Variants in BTBD9 observed in about 807,000 individuals in gnomAD.
BTBD9 encodes the protein BTB/POZ domain-containing protein 9.
Under a neutral mutation model 64.3 loss-of-function variants are expected in BTBD9, and 49 were observed. The observed-to-expected ratio is 0.76, with a 90% confidence interval of 0.61 to 0.97. The LOEUF (loss-of-function observed/expected upper bound fraction) is 0.97, where lower values mean the gene tolerates loss of function less well. BTBD9 is among the 50% of genes least tolerant of loss of function. The probability of loss-of-function intolerance (pLI) is 0.00; values close to 1 mark genes in which losing one functional copy is unlikely to be tolerated. For synonymous variants in BTBD9, 260 were observed against 274.7 expected, an observed-to-expected ratio of 0.95 and a Z score of 0.53; for missense variants, 598 against 762.1, an observed-to-expected ratio of 0.78 and a Z score of 2.53.
chr6:38,380,538 G>A (rs555080136), intron 6 of BTBD9, among the ~76,000 whole-genome samples: 25 of 152,314 alleles, frequency 1.6e-4, no homozygotes, highest in African/African-American at 5.3e-4. Context: ...ATTGAGTCTA[G>A]AAGAGGGTAG....
At chr6:38,219,345 T>A (rs1472086652) in intron 9 of BTBD9, among the ~76,000 whole-genome samples, 2 of 150,356 alleles carry the variant, frequency 1.3e-5, no homozygotes, top group East Asian at 3.9e-4. Flanking sequence ...GGTTTCAGCA[T>A]GTTGGCCAGG....
intron 1 of BTBD9, chr6:38,613,033 G>C (rs1664393223): frequency 6.6e-6 from 1 of 152,160 alleles, no homozygotes; most frequent in Non-Finnish European, 1.5e-5. Context: ...ATTGAGACGA[G>C]CTGTAAGTGT....
At chr6:38,296,314 T>C (rs910849152) in intron 7 of BTBD9, among the ~76,000 whole-genome samples, 3 of 152,220 alleles carry the variant, frequency 2.0e-5, no homozygotes, top group African/African-American at 7.2e-5. Flanking sequence ...CTCTTTTTCA[T>C]TCAAAGTATT....
chr6:38,349,077 T>C (rs1696821565), intron 6 of BTBD9, among the ~76,000 whole-genome samples: 1 of 152,040 alleles, frequency 6.6e-6, no homozygotes, highest in Non-Finnish European at 1.5e-5. Flanking sequence ...CTAGCAAATT[T>C]TTTTGTAGAG....
intron 6 of BTBD9, among the ~76,000 whole-genome samples, chr6:38,546,223 A>G (rs566701679): frequency 3.3e-5 from 5 of 152,302 alleles, no homozygotes; most frequent in Admixed American, 2.6e-4. Context: ...GAATATTGAC[A>G]AAGGGCTGGA....
chr6:38,209,645 T>A (rs72849813), intron 9 of BTBD9, among the ~76,000 whole-genome samples: 3,266 of 152,204 alleles, frequency 0.021, 37 homozygotes, highest in Middle Eastern at 0.071. Flanking sequence ...CTTTTTAAAT[T>A]CCTCAGGTGA....
intron 6 of BTBD9, among the ~76,000 whole-genome samples, chr6:38,425,751 C>T (rs887842696): frequency 2.7e-5 from 4 of 145,904 alleles, no homozygotes; most frequent in Non-Finnish European, 4.5e-5. Context: ...CTACCAATAA[C>T]TAAAAAAAAA....
intron 7 of BTBD9, among the ~76,000 whole-genome samples, chr6:38,308,201 T>C (rs1762696495): frequency 6.6e-6 from 1 of 152,230 alleles, no homozygotes; most frequent in African/African-American, 2.4e-5. Flanking sequence ...AAAGAGGGAT[T>C]CACTCTGAAG....
chr6:38,265,852 C>T (rs889948518), intron 8 of BTBD9, among the ~76,000 whole-genome samples: 1 of 152,114 alleles, frequency 6.6e-6, no homozygotes, highest in African/African-American at 2.4e-5. Context: ...TAACTAAGAC[C>T]ATCTTTTCAC....
rs79670876 is a variant in BTBD9, at chr6:38,401,692, T to G, written c.1155-56599A>C. On this transcript the variant is annotated intron_variant, in intron 6 of 10. Transcript: ENST00000481247. ...ATGAATTATTCACAAAAAGGCAGTATGTATAGTCAAATGGTTAAGAAAACA... is the reference window on the plus strand; with the variant it reads ...ATGAATTATTCACAAAAAGGCAGTAGGTATAGTCAAATGGTTAAGAAAACA... 1.9e-3 allele frequency among the ~76,000 whole-genome samples: 289 copies of G among 152,348 alleles called. 1 individual carries two copies. Among genetic ancestry groups the G allele is most frequent in the African/African-American group, 6.5e-3 (271 of 41,586 alleles).
intron 6 of BTBD9, among the ~76,000 whole-genome samples, chr6:38,454,775 T>C (rs551896456): frequency 1.2e-3 from 183 of 149,580 alleles, no homozygotes; most frequent in Non-Finnish European, 1.2e-3. Context: ...TATTCCAGCC[T>C]AGAAGACAGA....
intron 6 of BTBD9, among the ~76,000 whole-genome samples, chr6:38,507,826 A>G (rs1772600248): frequency 6.7e-6 from 1 of 149,106 alleles, no homozygotes; most frequent in African/African-American, 2.5e-5. Context: ...AATGTCTCCC[A>G]AATTTTTTTT....
chr6:38,622,604 C>A (rs1029155817), intron 1 of BTBD9, among the ~76,000 whole-genome samples: 1 of 152,198 alleles, frequency 6.6e-6, no homozygotes, highest in Non-Finnish European at 1.5e-5. Context: ...ACATTTCCAA[C>A]CTCACCTATT....
chr6:38,303,654 A>G (rs961978519), intron 7 of BTBD9, among the ~76,000 whole-genome samples: 2 of 151,858 alleles, frequency 1.3e-5, no homozygotes, highest in Non-Finnish European at 2.9e-5. Flanking sequence ...CAATTAGAGC[A>G]TCAACATCAC....
At chr6:38,343,947 G>A (rs897977622) in intron 7 of BTBD9, among the ~76,000 whole-genome samples, 2 of 152,212 alleles carry the variant, frequency 1.3e-5, no homozygotes, top group East Asian at 3.8e-4. Context: ...TCCCATTATA[G>A]TTATTCCCAT....
intron 7 of BTBD9, among the ~76,000 whole-genome samples, chr6:38,341,508 T>C (rs1274944671): frequency 6.6e-6 from 1 of 152,206 alleles, no homozygotes; most frequent in Non-Finnish European, 1.5e-5. Context: ...CTTGGATAAC[T>C]AGTAGGGCAT....
chr6:38,176,131 C>T (rs1370760862), intron 10 of BTBD9, among the ~76,000 whole-genome samples: 2 of 152,134 alleles, frequency 1.3e-5, no homozygotes, highest in African/African-American at 4.8e-5. Context: ...GGGGTCCTGA[C>T]ATGCATGTGT....
chr6:38,231,483 T>G (rs926564), intron 9 of BTBD9, among the ~76,000 whole-genome samples: 110,094 of 152,112 alleles, frequency 0.72, 40,120 homozygotes, highest in African/African-American at 0.78. Flanking sequence ...TCTAACTCCT[T>G]CATTTATATA....
intron 6 of BTBD9, among the ~76,000 whole-genome samples, chr6:38,445,038 T>G (rs1029704894): frequency 6.6e-6 from 1 of 152,128 alleles, no homozygotes; most frequent in African/African-American, 2.4e-5. Flanking sequence ...CTGTCTGAAC[T>G]GGAATATTGA....
Sources: gnomAD v4.1 joint callset for allele counts (sites outside exome capture counted in the v4.1 genomes callset) on GRCh38, gnomAD v4.1.1 for gene constraint, MANE v1.5 for transcripts, NCBI Gene and HGNC (gene_info 2026-07-23, HGNC 2026-07-21) for gene names.